DMTF1: variants seen among roughly 807,000 people sequenced by gnomAD.
DMTF1 encodes cyclin D binding myb like transcription factor 1.
Under a neutral mutation model 91.1 loss-of-function variants are expected in DMTF1, and 39 were observed. That is an observed-to-expected ratio of 0.43 (90% CI 0.33 to 0.56). The LOEUF (loss-of-function observed/expected upper bound fraction) is 0.56, where lower values mean the gene tolerates loss of function less well. Ranked by LOEUF, DMTF1 falls within the 20% of genes least tolerant of loss-of-function variation. The pLI is 0.05. For missense variants in DMTF1, 750 were observed against 914.5 expected, an observed-to-expected ratio of 0.82 and a Z score of 2.32; for synonymous variants, 338 against 309.5, an observed-to-expected ratio of 1.09 and a Z score of -0.97.
chr7:87,165,093 A>G (rs1212129167), intron 3 of DMTF1, 43 bp downstream of exon 3: 11 of 1,429,230 alleles, frequency 7.7e-6, no homozygotes, highest in Non-Finnish European at 1.1e-5. Context: ...CTCTGAATTT[A>G]TGAATTCCAT....
At chr7:87,158,691 A>G (rs1791432474) in intron 1 of DMTF1, among the ~76,000 whole-genome samples, 1 of 152,116 alleles carries the variant, frequency 6.6e-6, no homozygotes, top group South Asian at 2.1e-4. Flanking sequence ...AGATTTATTA[A>G]GTACACATTT....
At chr7:87,189,980 T>A (rs565575655) in intron 13 of DMTF1, among the ~76,000 whole-genome samples, 3 of 152,104 alleles carry the variant, frequency 2.0e-5, no homozygotes, top group Non-Finnish European at 2.9e-5. Context: ...AGATTCCTTT[T>A]AAATAGCTGA....
intron 14 of DMTF1, 173 bp from the exon 15 acceptor site, chr7:87,193,025 C>T (rs1800235353): frequency 9.5e-6 from 6 of 633,230 alleles, no homozygotes; most frequent in African/African-American, 1.8e-5. Context: ...AGAGCAGCCT[C>T]TTAAACCTTC....
chr7:87,177,645 A>G (rs1356640130), intron 7 of DMTF1, among the ~76,000 whole-genome samples: 1 of 152,164 alleles, frequency 6.6e-6, no homozygotes, highest in African/African-American at 2.4e-5. Flanking sequence ...GCATGCATGC[A>G]TGCTTGCTTG....
intron 17 of DMTF1, 89 bp downstream of exon 17, chr7:87,194,917 T>G (rs752573211): frequency 2.2e-5 from 33 of 1,472,252 alleles, no homozygotes; most frequent in Non-Finnish European, 3.0e-5. Flanking sequence ...TCTTTCTTGA[T>G]CCAATAAGCT....
intron 1 of DMTF1, 78 bp from the exon 2 acceptor site, chr7:87,163,417 G>T (rs1160808432): frequency 6.6e-6 from 1 of 152,240 alleles, no homozygotes; most frequent in African/African-American, 2.4e-5. Flanking sequence ...CTTGGGCCTA[G>T]ATTGTCATCA....
chr7:87,158,562 C>T (rs1359718033), intron 1 of DMTF1, among the ~76,000 whole-genome samples: 1 of 151,868 alleles, frequency 6.6e-6, no homozygotes, highest in East Asian at 1.9e-4. Context: ...TTTTAGAAAG[C>T]CATAATTCTT....
intron 1 of DMTF1, among the ~76,000 whole-genome samples, chr7:87,159,023 A>G (rs1791517266): frequency 2.6e-5 from 4 of 152,162 alleles, no homozygotes; most frequent in Admixed American, 1.3e-4. Flanking sequence ...TTAAAAAACA[A>G]GATTATGAGA....
chr7:87,193,134 A>G (rs1800272645), intron 14 of DMTF1, 64 bp from the exon 15 acceptor site: 10 of 1,561,642 alleles, frequency 6.4e-6, no homozygotes, highest in South Asian at 5.7e-5. Context: ...AACTAAACTC[A>G]GTCCGTTTTT....
intron 6 of DMTF1, 89 bp from the exon 7 acceptor site, chr7:87,174,504 A>G (rs1795826392): frequency 2.3e-6 from 2 of 868,788 alleles, no homozygotes; most frequent in African/African-American, 1.7e-5. Flanking sequence ...TTTATCCCCA[A>G]ATATAATTTA....
rs73206984 is a variant in DMTF1 at position 87,182,209 on chromosome 7, T to G, written c.711-19T>G. ...GAAAACAATTGAACCAAATGCTGAT[T>G]GGCAGACTCTTGTTTTAGGCTCCGG... On this transcript the variant is annotated intron_variant, in intron 9 of 17. Coordinates refer to ENST00000331242, the MANE Select transcript of DMTF1 (RefSeq NM_001142327.2). The G allele has an allele frequency of 0.053, 85,643 of 1,613,926 alleles. 2,559 individuals carry two copies. Among genetic ancestry groups the G allele is most frequent in the Middle Eastern group, 0.071 (432 of 6,062 alleles).
chr7:87,171,178 GTAGCGAGGAC>G (rs779083172), intron 5 of DMTF1, 89 bp downstream of exon 5: 15 of 881,136 alleles, frequency 1.7e-5, no homozygotes, highest in Non-Finnish European at 2.6e-5. Context: ...AGCCTCCCAA[GTAGCGAGGAC>G]TACTGGCACA....
intron 1 of DMTF1, among the ~76,000 whole-genome samples, chr7:87,157,026 A>G (rs1790915541): frequency 6.6e-6 from 1 of 152,186 alleles, no homozygotes. Flanking sequence ...TTGTGAAAAC[A>G]GTAAAAGATA....
chr7:87,154,788 G>T (rs370895495), intron 1 of DMTF1, among the ~76,000 whole-genome samples: 1 of 151,944 alleles, frequency 6.6e-6, no homozygotes, highest in Non-Finnish European at 1.5e-5. Context: ...CAATCCTTTA[G>T]TTATCTCATT....
In DMTF1 at chr7:87,174,593, G is replaced by A; in HGVS notation, c.443G>A (p.Gly148Glu). The A allele has an allele frequency of 6.3e-7, 1 of 1,597,848 alleles. No individual in the cohort carries two copies. Among genetic ancestry groups the A allele is most frequent in the Non-Finnish European group, 8.6e-7 (1 of 1,168,596 alleles). The change falls in exon 7 of 18, where the codon GGA becomes GAA. Residue 148 changes from glycine to glutamate, a missense_variant and splice_region_variant. Physicochemically the swap from Gly to Glu is moderately conservative, Grantham distance 98 (BLOSUM62 -2). Coordinates refer to ENST00000331242, the MANE Select transcript of DMTF1 (RefSeq NM_001142327.2). Reference sequence around the variant, plus strand: ...TAACATTACTTGTTTTCTTTTAAAGGACATAAATGGAAGCAGGGGATGTGG... The same window carrying A: ...TAACATTACTTGTTTTCTTTTAAAGAACATAAATGGAAGCAGGGGATGTGG... ...KEDKDSLTNKGHKWKQGMWSK... is the reference protein window; with the variant it reads ...KEDKDSLTNKEHKWKQGMWSK...
intron 1 of DMTF1, 195 bp from the exon 2 acceptor site, chr7:87,163,300 A>G (rs1227389943): frequency 6.6e-6 from 1 of 151,220 alleles, no homozygotes; most frequent in Non-Finnish European, 1.5e-5. Flanking sequence ...AATAGTCATC[A>G]TTTCTGTCCT....
chr7:87,185,811 C>T lies in DMTF1; in HGVS notation c.1050-18C>T. On this transcript the variant is annotated intron_variant, in intron 11 of 17. Transcript: ENST00000331242. Reference sequence around the variant, plus strand: ...GAAATTAATTTAATGTCTAACGATGCTTATTTTGTAACTGTAGGATAGCAG... The same window carrying T: ...GAAATTAATTTAATGTCTAACGATGTTTATTTTGTAACTGTAGGATAGCAG... 1 of 1,613,262 alleles carries T rather than the reference C, an allele frequency of 6.2e-7. No individual in the cohort carries two copies.
chr7:87,193,697 C>A, intron 15 of DMTF1, 28 bp from the exon 16 acceptor site: 8 of 1,556,554 alleles, frequency 5.1e-6, no homozygotes, highest in Non-Finnish European at 6.9e-6. Flanking sequence ...TGATTTACAA[C>A]TTTAACAGGT....
rs558406525 is a variant in DMTF1, at chr7:87,177,508, C to G, written c.520-2037C>G. On this transcript the variant is annotated intron_variant, in intron 7 of 17. Transcript: ENST00000331242. The stretch of plus-strand genomic sequence containing the variant: ...TGCTGGGTACTAATGGTTTATTGGT[C>G]ATTTGTATTACAGATACCTTGTCCC... Among the ~76,000 whole-genome samples the G allele has an allele frequency of 2.0e-5, 3 of 152,150 alleles. No individual in the cohort carries two copies. The East Asian group carries it at 5.8e-4, about 29-fold the overall frequency.
Sources: gnomAD v4.1 joint callset for allele counts (sites outside exome capture counted in the v4.1 genomes callset) on GRCh38, gnomAD v4.1.1 for gene constraint, MANE v1.5 for transcripts, NCBI Gene and HGNC (gene_info 2026-07-23, HGNC 2026-07-21) for gene names.